Variants in ARVCF observed in about 807,000 individuals in gnomAD.
ARVCF encodes the protein splicing regulator ARVCF.
A neutral mutation model predicts 90.9 loss-of-function variants in ARVCF; 66 were observed. That is an observed-to-expected ratio of 0.73 (90% confidence interval 0.60 to 0.89). The LOEUF (loss-of-function observed/expected upper bound fraction) is 0.89. Among genes scored for constraint, ARVCF ranks in the 40% least tolerant of loss-of-function variants. The probability of loss-of-function intolerance (pLI) is 0.00; values close to 1 mark genes in which losing one functional copy is unlikely to be tolerated. For synonymous variants in ARVCF, 653 were observed against 603.4 expected, an observed-to-expected ratio of 1.08 and a Z score of -1.21; for missense variants, 1,469 against 1,382.3, an observed-to-expected ratio of 1.06 and a Z score of -1.00.
At chr22:20,001,278 G>C (rs1411533216) in intron 2 of ARVCF, among the ~76,000 whole-genome samples, 1 of 152,168 alleles carries the variant, frequency 6.6e-6, no homozygotes, top group Non-Finnish European at 1.5e-5. Flanking sequence ...AGGTTCCTCT[G>C]AGACAGGTGG....
At chr22:19,990,183 A>C (rs73880052) in intron 3 of ARVCF, among the ~76,000 whole-genome samples, 11,568 of 152,268 alleles carry the variant, frequency 0.076, 654 homozygotes, top group African/African-American at 0.15. Flanking sequence ...GTCAGCCTCT[A>C]AGCTGCAGGC....
chr22:19,995,079 G>T (rs1944194463), intron 2 of ARVCF, among the ~76,000 whole-genome samples: 1 of 151,928 alleles, frequency 6.6e-6, no homozygotes, highest in South Asian at 2.1e-4. Flanking sequence ...ATGAGTAATA[G>T]ATTTGTGGGT....
intron 2 of ARVCF, among the ~76,000 whole-genome samples, chr22:20,000,053 C>T (rs764513367): frequency 2.0e-5 from 3 of 152,224 alleles, no homozygotes; most frequent in Non-Finnish European, 2.9e-5. Context: ...AGCCTGTCCC[C>T]TGAAAGTCCC....
At chr22:19,971,459 T>A in intron 18 of ARVCF, 124 bp from the exon 19 acceptor site, 1 of 1,223,880 alleles carries the variant, frequency 8.2e-7, no homozygotes, top group Non-Finnish European at 1.1e-6. Context: ...ACAGCACAGG[T>A]AGCACCAAGG....
intron 3 of ARVCF, among the ~76,000 whole-genome samples, chr22:19,984,926 C>T (rs1943685446): frequency 1.3e-5 from 2 of 152,206 alleles, no homozygotes; most frequent in African/African-American, 4.8e-5. Context: ...GCTGGTGGCT[C>T]AGCTCTCTGC....
chr22:20,009,170 C>G (rs1232963931), intron 2 of ARVCF, among the ~76,000 whole-genome samples: 1 of 152,216 alleles, frequency 6.6e-6, no homozygotes, highest in Non-Finnish European at 1.5e-5. Flanking sequence ...ACAAGCAAGC[C>G]AAGTACCCTG....
At chr22:19,980,994 C>G (rs1297919529) in intron 5 of ARVCF, 1 of 577,604 alleles carries the variant, frequency 1.7e-6, no homozygotes, top group Non-Finnish European at 2.9e-6. Context: ...CTCTTCCCAG[C>G]TTTCCTGGGC....
chr22:20,016,271 G>A (rs900724811), intron 1 of ARVCF, among the ~76,000 whole-genome samples: 1 of 152,096 alleles, frequency 6.6e-6, no homozygotes, highest in African/African-American at 2.4e-5. Flanking sequence ...CTGCGGGGTC[G>A]GGCCGCGCTC....
chr22:19,967,121 C>G, downstream of ARVCF: 1 of 1,290,468 alleles, frequency 7.7e-7, no homozygotes, highest in African/African-American at 1.5e-5. Context: ...GACCCATGCT[C>G]CTTTCTGCCC....
At chr22:19,968,857 C>T (rs545915950), downstream of ARVCF, 8 of 904,322 alleles carry the variant, frequency 8.8e-6, no homozygotes, top group African/African-American at 6.5e-5. Context: ...ACACCTCGGC[C>T]GAGGCCTGCG....
At chr22:19,979,674 G>C in intron 6 of ARVCF, 69 bp downstream of exon 6, 1 of 1,492,852 alleles carries the variant, frequency 6.7e-7, no homozygotes, top group Non-Finnish European at 9.0e-7. Flanking sequence ...GAGTGGCCTC[G>C]TTCCTCCCGG....
chr22:19,967,276 C>CA (rs1310406776), downstream of ARVCF: 1 of 1,196,608 alleles, frequency 8.4e-7, no homozygotes, highest in Non-Finnish European at 1.1e-6. Context: ...CCAGGCCCCT[C>CA]ACTCATGCAT....
At chr22:19,977,845 A>C in intron 8 of ARVCF, 113 bp downstream of exon 8, 1 of 1,288,654 alleles carries the variant, frequency 7.8e-7, no homozygotes, top group Admixed American at 2.4e-5. Flanking sequence ...CCAGAACGCC[A>C]CCCCAGACCC....
At chr22:19,977,860 G>A (rs1177962391) in intron 8 of ARVCF, 98 bp downstream of exon 8, 1 of 1,365,334 alleles carries the variant, frequency 7.3e-7, no homozygotes. Context: ...AGACCCACAA[G>A]CCCATTCCCC....
intron 4 of ARVCF, 58 bp from the exon 5 acceptor site, chr22:19,981,795 C>A: frequency 6.5e-7 from 1 of 1,548,582 alleles, no homozygotes; most frequent in South Asian, 1.2e-5. Context: ...AACTGCTTTG[C>A]TGGGGTCTGG....
At chr22:19,995,454 C>A (rs1944211885) in intron 2 of ARVCF, among the ~76,000 whole-genome samples, 1 of 152,010 alleles carries the variant, frequency 6.6e-6, no homozygotes, top group African/African-American at 2.4e-5. Context: ...GTGGGGAAAG[C>A]CCCGGCCCGC....
At chr22:19,972,288 C>A in intron 17 of ARVCF, 70 bp downstream of exon 17, 22 of 1,601,906 alleles carry the variant, frequency 1.4e-5, no homozygotes, top group Non-Finnish European at 1.9e-5. Flanking sequence ...CCCCATAAAA[C>A]CAGCAGGCCC....
intron 2 of ARVCF, among the ~76,000 whole-genome samples, chr22:20,009,173 G>A (rs574220849): frequency 1.6e-4 from 24 of 152,338 alleles, no homozygotes; most frequent in African/African-American, 5.8e-4. Flanking sequence ...AGCAAGCCAA[G>A]TACCCTGCCT....
chr22:19,972,480 C>T, intron 16 of ARVCF, 69 bp from the exon 17 acceptor site: 2 of 1,588,020 alleles, frequency 1.3e-6, no homozygotes, highest in South Asian at 1.1e-5. Context: ...GAAGCCCACA[C>T]AGGGCTGGCC....
Sources: gnomAD v4.1 joint callset for allele counts (sites outside exome capture counted in the v4.1 genomes callset) on GRCh38, gnomAD v4.1.1 for gene constraint, MANE v1.5 for transcripts, NCBI Gene and HGNC (gene_info 2026-07-23, HGNC 2026-07-21) for gene names.